Variants in CNTNAP5 observed in about 807,000 individuals in gnomAD.
CNTNAP5 encodes the protein contactin associated protein family member 5.
Under a neutral mutation model 150.2 loss-of-function variants are expected in CNTNAP5, and 72 were observed. The ratio of observed to expected loss-of-function variants is 0.48; its 90% confidence interval spans 0.40 to 0.58. The LOEUF is 0.58. Ranked by LOEUF, CNTNAP5 falls within the 20% of genes least tolerant of loss-of-function variation. The pLI is 0.00. For missense variants in CNTNAP5, 1,636 were observed against 1,626.2 expected (o/e 1.01, Z -0.10); for synonymous variants, 672 against 619.8 (o/e 1.08, Z -1.25).
intron 1 of CNTNAP5, among the ~76,000 whole-genome samples, chr2:124,082,860 T>C (rs1403118535): frequency 1.3e-5 from 2 of 152,140 alleles, no homozygotes; most frequent in African/African-American, 4.8e-5. Context: ...TTACATCTCA[T>C]TGTGGTTTTA....
At chr2:124,673,558 T>C (rs940059389) in intron 13 of CNTNAP5, among the ~76,000 whole-genome samples, 3 of 152,110 alleles carry the variant, frequency 2.0e-5, no homozygotes, top group Admixed American at 1.3e-4. Flanking sequence ...GGCTTTGTTT[T>C]TGGGACTCAC....
intron 1 of CNTNAP5, among the ~76,000 whole-genome samples, chr2:124,139,430 C>T (rs748176271): frequency 4.6e-5 from 7 of 152,030 alleles, no homozygotes; most frequent in Non-Finnish European, 8.8e-5. Flanking sequence ...CAAGTCCGGC[C>T]CCTTGAAAAG....
intron 7 of CNTNAP5, among the ~76,000 whole-genome samples, chr2:124,497,885 G>A (rs1221638891): frequency 6.6e-6 from 1 of 152,170 alleles, no homozygotes; most frequent in Non-Finnish European, 1.5e-5. Context: ...TTCTTCGTCT[G>A]TGTAACAGAT....
At chr2:124,868,949 G>A (rs1677687883) in intron 20 of CNTNAP5, among the ~76,000 whole-genome samples, 1 of 152,052 alleles carries the variant, frequency 6.6e-6, no homozygotes, top group Admixed American at 6.6e-5. Flanking sequence ...GAGAATGAAT[G>A]GGGAGGGCTC....
At position 124,808,417 on chromosome 2, in the gene CNTNAP5, G is replaced by A. The variant is rs539486790; in HGVS notation, c.3217+10097G>A. The stretch of plus-strand genomic sequence containing the variant: ...AGCCTGGCCAACATGGTGAAACTCC[G>A]TCTCTACTAAAAATACAAGAATTTG... On this transcript the variant is annotated intron_variant, in intron 19 of 23. Coordinates refer to ENST00000682447, the MANE Select transcript of CNTNAP5 (RefSeq NM_001367498.1). Among the ~76,000 whole-genome samples, 6 of 151,980 alleles carry A rather than the reference G, an allele frequency of 3.9e-5. No homozygotes were observed. In the East Asian group the frequency reaches 5.8e-4, roughly 15 times the overall value.
intron 8 of CNTNAP5, among the ~76,000 whole-genome samples, chr2:124,515,718 G>A (rs1376088369): frequency 6.6e-6 from 1 of 152,232 alleles, no homozygotes; most frequent in Non-Finnish European, 1.5e-5. Context: ...CGTATAGGTG[G>A]AGCAGAGGCT....
At chr2:124,488,974 T>C (rs1276761302) in intron 7 of CNTNAP5, among the ~76,000 whole-genome samples, 2 of 152,146 alleles carry the variant, frequency 1.3e-5, no homozygotes, top group African/African-American at 4.8e-5. Context: ...TGGCAGGACC[T>C]AATTAAAAAG....
intron 1 of CNTNAP5, among the ~76,000 whole-genome samples, chr2:124,109,203 C>T (rs1683239601): frequency 6.6e-6 from 1 of 152,180 alleles, no homozygotes; most frequent in East Asian, 1.9e-4. Flanking sequence ...TAACTGATGT[C>T]CCAGGGGAAA....
At chr2:124,445,123 G>A (rs762930781) in intron 5 of CNTNAP5, among the ~76,000 whole-genome samples, 1 of 147,490 alleles carries the variant, frequency 6.8e-6, no homozygotes, top group African/African-American at 2.5e-5. Flanking sequence ...TTGCTCTTGT[G>A]GCCTGGCCCA....
chr2:124,269,630 C>T (rs901431896), intron 3 of CNTNAP5, among the ~76,000 whole-genome samples: 1 of 152,080 alleles, frequency 6.6e-6, no homozygotes, highest in Non-Finnish European at 1.5e-5. Flanking sequence ...CCTCTGCAGA[C>T]TGACCCGAAA....
chr2:124,650,355 C>T (rs1167049257), intron 13 of CNTNAP5, among the ~76,000 whole-genome samples: 2 of 152,186 alleles, frequency 1.3e-5, no homozygotes, highest in Non-Finnish European at 2.9e-5. Context: ...TTTAGCTTCA[C>T]ACTTTCACTG....
chr2:124,173,128 A>G (rs929572517), intron 1 of CNTNAP5, among the ~76,000 whole-genome samples: 8 of 152,166 alleles, frequency 5.3e-5, no homozygotes, highest in African/African-American at 1.9e-4. Flanking sequence ...TCTATAAGAC[A>G]GCAAACATAA....
At chr2:124,418,447 G>C (rs1289650857) in intron 4 of CNTNAP5, among the ~76,000 whole-genome samples, 2 of 152,124 alleles carry the variant, frequency 1.3e-5, no homozygotes, top group African/African-American at 4.8e-5. Context: ...ATCAATAGGA[G>C]TGTTGCCTAG....
At chr2:124,430,289 C>T (rs1225475833) in intron 4 of CNTNAP5, among the ~76,000 whole-genome samples, 1 of 152,098 alleles carries the variant, frequency 6.6e-6, no homozygotes, top group Admixed American at 6.5e-5. Flanking sequence ...CACTATATAC[C>T]TCTTTGTCTC....
chr2:124,459,847 G>T (rs1693207470), intron 6 of CNTNAP5, among the ~76,000 whole-genome samples: 1 of 150,782 alleles, frequency 6.6e-6, no homozygotes, highest in South Asian at 2.1e-4. Flanking sequence ...ATTTTGTTTA[G>T]ATGTCATCCT....
At chr2:124,103,015 C>T (rs1243051599) in intron 1 of CNTNAP5, among the ~76,000 whole-genome samples, 1 of 152,136 alleles carries the variant, frequency 6.6e-6, no homozygotes, top group Non-Finnish European at 1.5e-5. Context: ...ACCACATATA[C>T]AACGGTGTTT....
chr2:124,358,647 A>C (rs1402902119), intron 3 of CNTNAP5, among the ~76,000 whole-genome samples: 2 of 152,218 alleles, frequency 1.3e-5, no homozygotes, highest in East Asian at 3.8e-4. Flanking sequence ...CATCCCAGGG[A>C]TGAAGCCCAC....
chr2:124,714,990 C>T (rs1261865558), intron 13 of CNTNAP5, among the ~76,000 whole-genome samples: 1 of 152,082 alleles, frequency 6.6e-6, no homozygotes, highest in African/African-American at 2.4e-5. Flanking sequence ...TACAATTTCA[C>T]ATAAGGGATG....
intron 3 of CNTNAP5, among the ~76,000 whole-genome samples, chr2:124,387,113 G>T (rs376897016): frequency 1.1e-4 from 16 of 152,290 alleles, no homozygotes; most frequent in African/African-American, 3.6e-4. Context: ...GTATTGTTAT[G>T]TTTAAGCAAC....
Sources: allele counts gnomAD v4.1 joint callset (sites outside exome capture counted in the v4.1 genomes callset), GRCh38; gene constraint gnomAD v4.1.1; transcripts MANE v1.5; gene names NCBI Gene and HGNC (gene_info 2026-07-23, HGNC 2026-07-21).